SEPTIN12: variants seen among roughly 807,000 people sequenced by gnomAD.
SEPTIN12 encodes septin-12.
SEPTIN12 carries 42 observed loss-of-function variants against 37.7 expected under a neutral mutation model. That is an observed-to-expected ratio of 1.11 (90% CI 0.87 to 1.44). The LOEUF (loss-of-function observed/expected upper bound fraction) is 1.44. Ranked by LOEUF, SEPTIN12 falls within the 40% of genes most tolerant of loss-of-function variation. The probability of loss-of-function intolerance (pLI) is 0.00; values close to 1 mark genes in which losing one functional copy is unlikely to be tolerated. For synonymous variants in SEPTIN12, 254 were observed against 196.7 expected, an observed-to-expected ratio of 1.29 and a Z score of -2.44; for missense variants, 613 against 479.2, an observed-to-expected ratio of 1.28 and a Z score of -2.61.
At chr16:4,788,801 G>C (rs931881365), upstream of SEPTIN12, 3 of 152,202 alleles carry the variant, frequency 2.0e-5, no homozygotes, top group African/African-American at 7.2e-5. Context: ...CAAGCTGATA[G>C]ATAAGAGAGG....
intron 5 of SEPTIN12, 30 bp downstream of exon 5, chr16:4,783,901 G>T: frequency 6.2e-7 from 1 of 1,613,662 alleles, no homozygotes; most frequent in South Asian, 1.1e-5. Context: ...CGTGCAGGTG[G>T]TCCTCGCCTT....
At chr16:4,783,184 C>T (rs143328342) in intron 7 of SEPTIN12, 13,757 of 416,704 alleles carry the variant, frequency 0.033, 267 homozygotes, top group Middle Eastern at 0.053. Context: ...GCTGGGATTA[C>T]AGGCGTGAGC....
intron 2 of SEPTIN12, among the ~76,000 whole-genome samples, chr16:4,786,353 CTTTTTTTTTTT>C (rs949470758): frequency 7.9e-6 from 1 of 126,232 alleles, no homozygotes; most frequent in African/African-American, 3.1e-5. Flanking sequence ...TTTTGCACTG[CTTTTTTTTTTT>C]TTTTTTTTGA....
intron 8 of SEPTIN12, among the ~76,000 whole-genome samples, chr16:4,779,095 G>A (rs1020059281): frequency 5.3e-5 from 8 of 151,072 alleles, no homozygotes; most frequent in African/African-American, 1.5e-4. Context: ...CCGAGATCAC[G>A]CCACCGCACT....
chr16:4,789,284 T>C (rs147396444), upstream of SEPTIN12, among the ~76,000 whole-genome samples: 135 of 152,314 alleles, frequency 8.9e-4, no homozygotes, highest in African/African-American at 3.0e-3. Context: ...AGTGTTGGGA[T>C]TAGTGAGCCA....
chr16:4,784,308 G>A (rs2082409378), intron 4 of SEPTIN12: 7 of 533,332 alleles, frequency 1.3e-5, no homozygotes, highest in South Asian at 2.2e-5. Flanking sequence ...TAGCACCTAC[G>A]TTGCAAGTAA....
chr16:4,781,691 C>T (rs1035813235), intron 7 of SEPTIN12, among the ~76,000 whole-genome samples: 1 of 148,956 alleles, frequency 6.7e-6, no homozygotes, highest in Non-Finnish European at 1.5e-5. Flanking sequence ...CTTGCCCAGG[C>T]TGGGGTGCAA....
At position 4,783,937 on chromosome 16, in the gene SEPTIN12, C is replaced by T. The variant is rs138628476; in HGVS notation, c.506G>A (p.Gly169Glu). The T allele has an allele frequency of 1.2e-4, 190 of 1,614,116 alleles. No individual in the cohort carries two copies. The African/African-American group carries it at 2.3e-3, about 20-fold the overall frequency. Residue 169 changes from glycine (G) to glutamate (E), a missense_variant, in exon 5 of 10, where the codon GGG (glycine) becomes GAG (glutamate). Coordinates refer to ENST00000268231, the MANE Select transcript of SEPTIN12 (RefSeq NM_144605.5). ...GCAGGTGCAGCCCCCTCACCAGTGC[C>T]CAGTGGGTGGTACAAAGTACACGCA... The part of the protein sequence containing the change: ...HCCVYFVPPT[G>E]HCLRPLDIEF...
At chr16:4,781,795 C>A (rs987587598) in intron 7 of SEPTIN12, among the ~76,000 whole-genome samples, 3 of 151,646 alleles carry the variant, frequency 2.0e-5, no homozygotes, top group African/African-American at 7.3e-5. Flanking sequence ...CAGGCATGCA[C>A]CACCACACCC....
At chr16:4,791,748 C>G (rs1490339393), upstream of SEPTIN12, among the ~76,000 whole-genome samples, 1 of 152,118 alleles carries the variant, frequency 6.6e-6, no homozygotes, top group Non-Finnish European at 1.5e-5. Context: ...AGTGCAGTGG[C>G]GAGATCTTGG....
At chr16:4,789,989 ACTG>A (rs1567580524), upstream of SEPTIN12, 1 of 149,292 alleles carries the variant, frequency 6.7e-6, no homozygotes, top group Non-Finnish European at 1.5e-5. Flanking sequence ...ATGACAGCTC[ACTG>A]CAGCCTCGAC....
chr16:4,786,168 CTT>C, intron 2 of SEPTIN12, 63 bp from the exon 3 acceptor site: 2 of 1,519,836 alleles, frequency 1.3e-6, no homozygotes, highest in Non-Finnish European at 1.8e-6. Flanking sequence ...TTCTCTAACT[CTT>C]TACTTTTCTA....
upstream of SEPTIN12, among the ~76,000 whole-genome samples, chr16:4,791,296 C>A (rs2082547285): frequency 6.6e-6 from 1 of 151,914 alleles, no homozygotes. Flanking sequence ...TGGCAAAAGC[C>A]AGGGAAAAAA....
At chr16:4,784,329 A>C in intron 4 of SEPTIN12, 1 of 489,008 alleles carries the variant, frequency 2.0e-6, no homozygotes, top group Non-Finnish European at 3.8e-6. Context: ...GGGAGGGGTG[A>C]GCATTAACTG....
intron 2 of SEPTIN12, among the ~76,000 whole-genome samples, chr16:4,786,848 G>A (rs964058723): frequency 2.6e-5 from 4 of 151,870 alleles, no homozygotes; most frequent in Non-Finnish European, 5.9e-5. Flanking sequence ...GGGTCTTGCT[G>A]TGTTGCCTAG....
At chr16:4,786,340 G>A (rs959837909) in intron 2 of SEPTIN12, among the ~76,000 whole-genome samples, 2 of 142,884 alleles carry the variant, frequency 1.4e-5, no homozygotes, top group African/African-American at 5.2e-5. Context: ...ATACCCAGCT[G>A]ATTTTTGCAC....
rs562418474 is a variant in SEPTIN12, at chr16:4,782,498, G to A, written c.726+964C>T. On this transcript the variant is annotated intron_variant, in intron 7 of 9. Coordinates refer to ENST00000268231, the MANE Select transcript of SEPTIN12 (RefSeq NM_144605.5). ...TCAGTTGCTGGGTCATAGAGTAACT[G>A]CATGTTTAAGCATTTGAGGAACCAC... Among the ~76,000 whole-genome samples the A allele has an allele frequency of 5.9e-5, 9 of 152,268 alleles. No individual in the cohort carries two copies. The South Asian group carries it at 8.3e-4, about 14-fold the overall frequency.
At chr16:4,785,929 T>TGGGATGGGGTGGGGC in intron 3 of SEPTIN12, 41 bp from the exon 4 acceptor site, 1 of 838,624 alleles carries the variant, frequency 1.2e-6, no homozygotes, top group Non-Finnish European at 1.7e-6. Flanking sequence ...TGGACCCAGG[T>TGGGATGGGGTGGGGC]GGGATGGGGT....
chr16:4,790,165 C>T (rs1360993144), upstream of SEPTIN12: 4 of 152,148 alleles, frequency 2.6e-5, no homozygotes, highest in Non-Finnish European at 5.9e-5. Flanking sequence ...CCAGCTGCCT[C>T]AGCCTCCCAA....
Sources: allele counts gnomAD v4.1 joint callset (sites outside exome capture counted in the v4.1 genomes callset), GRCh38; gene constraint gnomAD v4.1.1; transcripts MANE v1.5; gene names NCBI Gene and HGNC (gene_info 2026-07-23, HGNC 2026-07-21).